DSC3: variants seen among roughly 807,000 people sequenced by gnomAD.
The protein encoded by DSC3 is desmocollin-3.
In DSC3, 97 loss-of-function variants were observed where a neutral mutation model predicts 89.5. The ratio of observed to expected loss-of-function variants is 1.08; its 90% CI spans 0.92 to 1.28. DSC3 has a LOEUF of 1.28. DSC3 is among the 50% of genes most tolerant of loss of function. The pLI is 0.00. For synonymous variants in DSC3, 436 were observed against 384.1 expected (o/e 1.14, Z -1.58); for missense variants, 1,199 against 1,085.3 (o/e 1.10, Z -1.47).
intron 5 of DSC3, 109 bp downstream of exon 5, chr18:31,025,651 A>T (rs1985571443): frequency 8.3e-7 from 1 of 1,199,234 alleles, no homozygotes; most frequent in Non-Finnish European, 1.2e-6. Flanking sequence ...TGACTCTAAG[A>T]TACCCTCTAA....
intron 1 of DSC3, among the ~76,000 whole-genome samples, chr18:31,032,577 T>C (rs979861065): frequency 7.6e-6 from 1 of 132,444 alleles, no homozygotes; most frequent in African/African-American, 3.0e-5. Context: ...TGTGTGTGTG[T>C]GTGTGTGTGT....
intron 14 of DSC3, among the ~76,000 whole-genome samples, chr18:30,998,579 C>A (rs1297624134): frequency 6.6e-6 from 1 of 151,996 alleles, no homozygotes; most frequent in Non-Finnish European, 1.5e-5. Context: ...GAGGACCTAT[C>A]CAGAGAAAAT....
chr18:31,008,590 G>T, intron 9 of DSC3, 65 bp from the exon 10 acceptor site: 1 of 1,576,384 alleles, frequency 6.3e-7, no homozygotes, highest in Non-Finnish European at 8.7e-7. Context: ...CAAATGGCAA[G>T]TGAACATTTG....
Position 30,994,547 on chromosome 18 carries a change from AG to A in DSC3, c.2494-176del, listed in dbSNP as rs5823774. On this transcript the variant is annotated intron_variant, in intron 15 of 15. Coordinates refer to ENST00000360428, the MANE Select transcript of DSC3 (RefSeq NM_001941.5). ...GGTCTATATCACAACCATACCATAA[AG>A]TCAGTATAGTTTACATTTCTAGTGC... 57,926 of 1,422,866 alleles carry A rather than the reference AG, an allele frequency of 0.041. 1,468 individuals are homozygous for A. Among genetic ancestry groups the A allele is most frequent in the Middle Eastern group, 0.06 (233 of 3,854 alleles). 88.1% of individuals were successfully genotyped at this position (1,422,866 alleles called of 1,614,324 possible).
chr18:30,999,959 C>T (rs1411145537), intron 14 of DSC3, among the ~76,000 whole-genome samples: 1 of 151,990 alleles, frequency 6.6e-6, no homozygotes, highest in Non-Finnish European at 1.5e-5. Flanking sequence ...TGGCAAAGAA[C>T]AGATATTAAG....
chr18:31,041,194 T>G (rs531678336), intron 1 of DSC3, among the ~76,000 whole-genome samples: 19 of 152,278 alleles, frequency 1.2e-4, no homozygotes, highest in African/African-American at 4.6e-4. Context: ...CACCCGTAGT[T>G]TCGTTCCCCA....
At chr18:31,038,042 A>G (rs912601342) in intron 1 of DSC3, among the ~76,000 whole-genome samples, 1 of 152,196 alleles carries the variant, frequency 6.6e-6, no homozygotes, top group Non-Finnish European at 1.5e-5. Context: ...TTAAAATACA[A>G]TAATAGATGT....
In DSC3 at chr18:31,001,744, A is replaced by T. The variant is rs1486711738; in HGVS notation, c.2114-5T>A. 1 of 1,579,572 alleles carries T rather than the reference A, an allele frequency of 6.3e-7. No individual in the cohort carries two copies. The highest frequency in any genetic ancestry group is 1.8e-5 in the Admixed American group (1 of 54,374). On this transcript the variant is annotated splice_polypyrimidine_tract_variant and splice_region_variant and intron_variant, in intron 13 of 15. Transcript: ENST00000360428. ...ATACTAAAGTTAGCAATACAGCTGA[A>T]TTTAAAAATAAAAATAAAATAACTT...
At position 30,993,132 on chromosome 18, in the gene DSC3, T is replaced by C. The variant is rs1453140114; in HGVS notation, c.*1043A>G. 6.6e-6 allele frequency: 1 copy of C among 152,168 alleles called. No individual in the cohort carries two copies. Among genetic ancestry groups the C allele is most frequent in the Admixed American group, 6.5e-5 (1 of 15,274 alleles). The allele number at this position is 152,168 out of a possible 1,614,324, so 9.4% of individuals were successfully genotyped here. A position where few individuals can be genotyped will look rare whatever the true frequency, so the allele number is the denominator to read the frequency against. ...AGATGTTGGTCACTATAAGAGAGAATAGAAACAGCAATAGAGGATTTAACT... is the reference window on the plus strand; with the variant it reads ...AGATGTTGGTCACTATAAGAGAGAACAGAAACAGCAATAGAGGATTTAACT... On this transcript the variant is annotated 3_prime_UTR_variant, in exon 16 of 16. Transcript: ENST00000360428.
Position 30,992,135 on chromosome 18 carries a change from C to T in DSC3, c.*2040G>A, listed in dbSNP as rs1247480075. 2.2e-5 allele frequency: 3 copies of T among 135,552 alleles called. No homozygotes were observed. Among genetic ancestry groups the T allele is most frequent in the South Asian group, 2.3e-4 (1 of 4,264 alleles). 8.4% of individuals were successfully genotyped at this position (135,552 alleles called of 1,614,324 possible). ...AGCAGAGATCGGAGCCACTGCACTC[C>T]AGCCTGTGCGTCAGAGCGAGACTCC... On this transcript the variant is annotated 3_prime_UTR_variant, in exon 16 of 16. Coordinates refer to ENST00000360428, the MANE Select transcript of DSC3 (RefSeq NM_001941.5).
chr18:31,022,378 G>T lies in DSC3; in HGVS notation c.900C>A (p.Ser300Arg). The part of the protein sequence containing the change: ...RSPGLFSVHP[S>R]TGVITTVSHY... ...GAGAGACTGTGGTGATTACGCCTGT[G>T]CTGGGATGCACAGAAAAGAGCCCAG... The change falls in exon 7 of 16, where the codon AGC becomes AGA. Residue 300 changes from serine to arginine, a missense_variant. Coordinates refer to ENST00000360428, the MANE Select transcript of DSC3 (RefSeq NM_001941.5). 1 of 1,614,048 alleles carries T rather than the reference G, an allele frequency of 6.2e-7. No homozygotes were observed. The highest frequency in any genetic ancestry group is 8.5e-7 in the Non-Finnish European group (1 of 1,179,976).
rs1419192245 is a variant in DSC3 at position 31,004,229 on chromosome 18, G to C, written c.2026C>G (p.Gln676Glu). The change falls in exon 13 of 16, where the codon CAG becomes GAG. Residue 676 changes from glutamine (Q) to glutamate (E), a missense_variant. Physicochemically the swap from Gln to Glu is conservative, Grantham distance 29 (BLOSUM62 2). Transcript: ENST00000360428. ...VNLCECTHPT[Q>E]CRATSRSTGV... ...GTACTCCTTGAAGTCGCACGACACT[G>C]AGTTGGATGAGTACATTCACACAGA... 1 of 1,613,984 alleles carries C rather than the reference G, an allele frequency of 6.2e-7. No individual in the cohort carries two copies. The highest frequency in any genetic ancestry group is 8.5e-7 in the Non-Finnish European group (1 of 1,179,928).
At chr18:31,034,265 G>C (rs1267219684) in intron 1 of DSC3, among the ~76,000 whole-genome samples, 1 of 152,248 alleles carries the variant, frequency 6.6e-6, no homozygotes, top group African/African-American at 2.4e-5. Flanking sequence ...ATATTAAAAT[G>C]GCCAAAAAGT....
At chr18:31,009,130 A>C (rs911862996) in intron 9 of DSC3, among the ~76,000 whole-genome samples, 16 of 152,136 alleles carry the variant, frequency 1.1e-4, no homozygotes, top group Non-Finnish European at 1.8e-4. Context: ...GGCTTACTGC[A>C]ACCTCTGCCT....
chr18:31,026,419 T>C (rs1051167955), intron 4 of DSC3, among the ~76,000 whole-genome samples: 4 of 152,196 alleles, frequency 2.6e-5, no homozygotes, highest in African/African-American at 9.6e-5. Flanking sequence ...CTGATTTATA[T>C]CCTTAAAGGT....
At chr18:31,037,249 A>T (rs1986001016) in intron 1 of DSC3, among the ~76,000 whole-genome samples, 1 of 152,228 alleles carries the variant, frequency 6.6e-6, no homozygotes, top group African/African-American at 2.4e-5. Context: ...TATAGAAATC[A>T]TTTAAAAATA....
rs936163477 is a variant in DSC3, at chr18:30,996,435, G to C, written c.2493+356C>G. Among the ~76,000 whole-genome samples the C allele has an allele frequency of 3.3e-5, 5 of 152,014 alleles. No individual in the cohort carries two copies. In the East Asian group the frequency reaches 9.6e-4, roughly 29 times the overall value. ...ATACAAATGTTGGTGTTTTCACAGA[G>C]AAATACAGATTTCATTTGAAAAGTT... On this transcript the variant is annotated intron_variant, in intron 15 of 15. Transcript: ENST00000360428.
In DSC3 at chr18:31,018,089, A is replaced by T. The variant is rs773439531; in HGVS notation, c.1245T>A (p.Gly415=). 5.6e-6 allele frequency: 9 copies of T among 1,612,366 alleles called. No homozygotes were observed. The East Asian group carries it at 1.6e-4, about 28-fold the overall frequency. The part of the protein sequence containing the change: ...KISTDKETNE[G]VLSVVKPLNY... ...ACTGTACCTTTACAACAGAAAGAAC[A>T]CCTTCATTAGTTTCTTTGTCTGTGC... Residue 415 remains glycine, a synonymous_variant, in exon 9 of 16, where the codon GGT becomes GGA. Transcript: ENST00000360428.
At chr18:31,034,214 A>C (rs766131270) in intron 1 of DSC3, among the ~76,000 whole-genome samples, 12 of 152,206 alleles carry the variant, frequency 7.9e-5, no homozygotes, top group Non-Finnish European at 1.2e-4. Flanking sequence ...TAACACAGAA[A>C]AACGGGCAGA....
Sources: allele counts gnomAD v4.1 joint callset (sites outside exome capture counted in the v4.1 genomes callset), GRCh38; gene constraint gnomAD v4.1.1; transcripts MANE v1.5; gene names NCBI Gene and HGNC (gene_info 2026-07-23, HGNC 2026-07-21).